The following LYG1 variants were observed in gnomAD, a reference collection of about 807,000 sequenced individuals.
LYG1 encodes the protein lysozyme g-like protein 1.
Under a neutral mutation model 21.7 loss-of-function variants are expected in LYG1, and 17 were observed. That is an observed-to-expected ratio of 0.78 (90% CI 0.54 to 1.18). The LOEUF (loss-of-function observed/expected upper bound fraction) is 1.18. Ranked by LOEUF, LYG1 falls within the 50% of genes most tolerant of loss-of-function variation. The pLI is 0.00. For missense variants in LYG1, 211 were observed against 238.1 expected (o/e 0.89, Z 0.75); for synonymous variants, 81 against 87.4 (o/e 0.93, Z 0.41).
rs1298573658 is a variant in LYG1 at position 99,288,601 on chromosome 2, C to G, written c.333+2636G>C. On this transcript the variant is annotated intron_variant, in intron 5 of 6. Coordinates refer to ENST00000308528, the MANE Select transcript of LYG1 (RefSeq NM_174898.3). ...TAATATTGTTAGAGGTAGGGTCCCA[C>G]TCTCTCGCCCAGACTGGAGTGCAGT... Among the ~76,000 whole-genome samples, 6 of 152,246 alleles carry G rather than the reference C, an allele frequency of 3.9e-5. No homozygotes were observed. In the South Asian group the frequency reaches 1.2e-3, roughly 32 times the overall value.
At chr2:99,291,171 T>G in intron 5 of LYG1, 66 bp downstream of exon 5, 1 of 1,493,122 alleles carries the variant, frequency 6.7e-7, no homozygotes, top group Non-Finnish European at 9.2e-7. Flanking sequence ...TTTGCCATCA[T>G]CCAAAAAACA....
chr2:99,284,951 C>T lies in LYG1; in HGVS notation c.334-131G>A, dbSNP rs1389687266. The T allele has an allele frequency of 8.9e-6, 11 of 1,234,976 alleles. No homozygotes were observed. In the East Asian group the frequency reaches 2.0e-4, roughly 22 times the overall value. The allele number at this position is 1,234,976 out of a possible 1,614,324, so 76.5% of individuals were successfully genotyped here. The stretch of plus-strand genomic sequence containing the variant: ...TCACCTTTGATGGAACCAATGCCAC[C>T]GTCAGTCTCCTGTGAGGTAGGTTAG... On this transcript the variant is annotated intron_variant, in intron 5 of 6. Transcript: ENST00000308528.
chr2:99,292,845 C>A (rs2094124028), intron 3 of LYG1, among the ~76,000 whole-genome samples: 1 of 152,116 alleles, frequency 6.6e-6, no homozygotes, highest in Admixed American at 6.6e-5. Flanking sequence ...CTCACCTGCT[C>A]CCCTGCAGAC....
At chr2:99,302,473 C>A (rs1475438016), upstream of LYG1, among the ~76,000 whole-genome samples, 7 of 152,178 alleles carry the variant, frequency 4.6e-5, no homozygotes, top group Non-Finnish European at 1.5e-5. Flanking sequence ...CAATGCTGGG[C>A]CCCAGGTTAG....
upstream of LYG1, among the ~76,000 whole-genome samples, chr2:99,303,054 G>C (rs934564057): frequency 2.0e-5 from 3 of 150,908 alleles, no homozygotes; most frequent in Non-Finnish European, 4.4e-5. Context: ...TTCTCTACTT[G>C]TGACTGAGAT....
upstream of LYG1, among the ~76,000 whole-genome samples, chr2:99,303,342 C>T (rs988663401): frequency 6.6e-6 from 1 of 152,108 alleles, no homozygotes; most frequent in Non-Finnish European, 1.5e-5. Context: ...CCAGCTCCAC[C>T]TACAAAAGCA....
chr2:99,300,193 G>A (rs1490021322), intron 1 of LYG1, among the ~76,000 whole-genome samples: 2 of 152,014 alleles, frequency 1.3e-5, no homozygotes, highest in African/African-American at 2.4e-5. Context: ...CATGGCCTGT[G>A]AAAATACCTA....
chr2:99,292,611 A>G lies in LYG1; in HGVS notation c.73T>C (p.Tyr25His). 1 of 1,614,202 alleles carries G rather than the reference A, an allele frequency of 6.2e-7. No homozygotes were observed. The highest frequency in any genetic ancestry group is 8.5e-7 in the Non-Finnish European group (1 of 1,180,008). The change falls in exon 4 of 7, where the codon TAT becomes CAT. Residue 25 changes from tyrosine to histidine, a missense_variant. Physicochemically the swap from Tyr to His is moderately conservative, Grantham distance 83. Transcript: ENST00000308528. ...GTGTCCAGGCTTTGGATGTTTCCAT[A>G]GCATCCCCAGTTGCTGCTTTCAGAC... is the stretch of plus-strand genomic sequence containing the variant. ...DLSESSNWGCYGNIQSLDTPG... is the reference protein window; with the variant it reads ...DLSESSNWGCHGNIQSLDTPG...
intron 5 of LYG1, among the ~76,000 whole-genome samples, chr2:99,286,099 C>A (rs992486295): frequency 6.6e-6 from 1 of 152,152 alleles, no homozygotes; most frequent in Non-Finnish European, 1.5e-5. Context: ...CCAGCACACT[C>A]AGCCTCTCAC....
At chr2:99,300,339 G>A (rs2094150498) in intron 1 of LYG1, among the ~76,000 whole-genome samples, 1 of 152,086 alleles carries the variant, frequency 6.6e-6, no homozygotes, top group Admixed American at 6.5e-5. Flanking sequence ...CCTTCTCTCA[G>A]TGCGTCCTCT....
intron 5 of LYG1, among the ~76,000 whole-genome samples, chr2:99,288,009 T>C (rs2094106382): frequency 6.6e-6 from 1 of 152,188 alleles, no homozygotes; most frequent in Non-Finnish European, 1.5e-5. Context: ...ATTGTTTTAC[T>C]TATTTTTCTT....
At chr2:99,302,667 A>G (rs1385575818), upstream of LYG1, among the ~76,000 whole-genome samples, 1 of 152,166 alleles carries the variant, frequency 6.6e-6, no homozygotes, top group Non-Finnish European at 1.5e-5. Context: ...AAGCGTATTT[A>G]TGACTTTTTG....
chr2:99,289,855 G>GTT (rs1193207941), intron 5 of LYG1, among the ~76,000 whole-genome samples: 3 of 151,804 alleles, frequency 2.0e-5, no homozygotes, highest in Admixed American at 2.0e-4. Flanking sequence ...TGTTGTTGTT[G>GTT]TTGTTGTTGT....
intron 1 of LYG1, among the ~76,000 whole-genome samples, chr2:99,299,341 C>T (rs112334733): frequency 0.011 from 1,656 of 146,782 alleles, 12 homozygotes; most frequent in Non-Finnish European, 0.018. Flanking sequence ...GGTGGGAGTG[C>T]AGTGGCCCAA....
chr2:99,289,453 C>CT (rs1321757610), intron 5 of LYG1, among the ~76,000 whole-genome samples: 1 of 48,714 alleles, frequency 2.1e-5, no homozygotes, highest in African/African-American at 5.2e-5. Flanking sequence ...CAGACCCTGT[C>CT]TTAAAAAAAA....
chr2:99,289,267 C>G (rs1465133173), intron 5 of LYG1, among the ~76,000 whole-genome samples: 1 of 152,008 alleles, frequency 6.6e-6, no homozygotes, highest in Admixed American at 6.6e-5. Context: ...CGAGACCAGC[C>G]TGGGCAACAT....
chr2:99,295,547 T>G lies in LYG1; in HGVS notation c.43+81A>C. ...AAAAATAATCTTTTTTGTTGCATTT[T>G]CAAGTATTAGAAGTGCCATTGTGTT... On this transcript the variant is annotated intron_variant, in intron 3 of 6. Coordinates refer to ENST00000308528, the MANE Select transcript of LYG1 (RefSeq NM_174898.3). 4 of 1,500,382 alleles carry G rather than the reference T, an allele frequency of 2.7e-6. No homozygotes were observed. In the Admixed American group the frequency reaches 5.1e-5, roughly 19 times the overall value. The allele number at this position is 1,500,382 out of a possible 1,614,324, so 92.9% of individuals were successfully genotyped here.
chr2:99,303,814 G>A (rs1033139938), upstream of LYG1, among the ~76,000 whole-genome samples: 2 of 151,996 alleles, frequency 1.3e-5, no homozygotes, highest in Non-Finnish European at 2.9e-5. Flanking sequence ...GAATCATGGA[G>A]GCAGTTTCCC....
intron 3 of LYG1, among the ~76,000 whole-genome samples, chr2:99,295,233 C>T (rs1025047353): frequency 2.0e-5 from 3 of 152,180 alleles, no homozygotes; most frequent in Non-Finnish European, 4.4e-5. Flanking sequence ...TACTCGGTTG[C>T]CTTGATTCTG....
Sources: allele counts gnomAD v4.1 joint callset (sites outside exome capture counted in the v4.1 genomes callset), GRCh38; gene constraint gnomAD v4.1.1; transcripts MANE v1.5; gene names NCBI Gene and HGNC (gene_info 2026-07-23, HGNC 2026-07-21).